The following UST variants were observed in gnomAD, a reference collection of about 807,000 sequenced individuals.
UST encodes uronyl 2-sulfotransferase, also known as chondroitin sulfate 2-O-sulfotransferase.
In UST, 21 loss-of-function variants were observed where a neutral mutation model predicts 45.6. The observed-to-expected ratio is 0.46, with a 90% CI of 0.33 to 0.66. UST has a LOEUF of 0.66. UST is among the 30% of genes least tolerant of loss of function. The pLI, the probability that UST is intolerant of heterozygous loss-of-function variation, is 0.02. For missense variants in UST, 463 were observed against 512.4 expected, an observed-to-expected ratio of 0.90 and a Z score of 0.93; for synonymous variants, 215 against 200.6, an observed-to-expected ratio of 1.07 and a Z score of -0.61.
chr6:148,988,556 A>T (rs1018026541), intron 5 of UST, among the ~76,000 whole-genome samples: 4 of 142,054 alleles, frequency 2.8e-5, no homozygotes, highest in Non-Finnish European at 6.1e-5. Context: ...CCTGGGTGAC[A>T]GAGAAAGACC....
intron 1 of UST, among the ~76,000 whole-genome samples, chr6:148,870,721 C>A (rs1019203165): frequency 2.0e-5 from 3 of 152,164 alleles, no homozygotes; most frequent in African/African-American, 7.2e-5. Context: ...GTGGCCTGTT[C>A]CCTCCTGACC....
At chr6:148,839,899 T>C (rs1202572356) in intron 1 of UST, among the ~76,000 whole-genome samples, 1 of 152,142 alleles carries the variant, frequency 6.6e-6, no homozygotes, top group East Asian at 1.9e-4. Flanking sequence ...GGCCAGTAAA[T>C]GGTAAGGTGG....
At chr6:148,953,430 A>C (rs575982617) in intron 3 of UST, among the ~76,000 whole-genome samples, 1 of 152,308 alleles carries the variant, frequency 6.6e-6, no homozygotes, top group South Asian at 2.1e-4. Context: ...GCCTTATGTA[A>C]AACTTGATAA....
intron 1 of UST, among the ~76,000 whole-genome samples, chr6:148,778,913 C>T (rs550456589): frequency 3.6e-4 from 55 of 152,200 alleles, no homozygotes; most frequent in African/African-American, 1.2e-3. Flanking sequence ...ATTGGTTGAG[C>T]GTATCACCCC....
chr6:148,963,957 C>T (rs914821857), intron 4 of UST, among the ~76,000 whole-genome samples: 3 of 152,178 alleles, frequency 2.0e-5, no homozygotes, highest in African/African-American at 7.2e-5. Flanking sequence ...AGAGGAAGTG[C>T]CGTCTCACCC....
intron 3 of UST, among the ~76,000 whole-genome samples, chr6:148,951,629 G>A (rs188978375): frequency 1.3e-5 from 2 of 152,232 alleles, no homozygotes; most frequent in African/African-American, 4.8e-5. Flanking sequence ...GCCATGGGGG[G>A]AGGACCAGGC....
rs537469988 is a variant in UST, at chr6:149,044,018, G to A, written c.937+22537G>A. Among the ~76,000 whole-genome samples, 36 of 152,274 alleles carry A rather than the reference G, an allele frequency of 2.4e-4. No homozygotes were observed. In the South Asian group the frequency reaches 3.5e-3, roughly 15 times the overall value. On this transcript the variant is annotated intron_variant, in intron 7 of 7. Transcript: ENST00000367463. ...CCATATTATTATTAGCTTTGCTTTG[G>A]TTGAAAGTGGGCCCCATCATATTGT...
At position 149,061,478 on chromosome 6, in the gene UST, A is replaced by G. The variant is rs555654554; in HGVS notation, c.938-12355A>G. ...GGGCAGTGAGCACATCGTGCTTGTC[A>G]CTGCCCAGTCTTGCATGCAGACAGG... On this transcript the variant is annotated intron_variant, in intron 7 of 7. Transcript: ENST00000367463. Among the ~76,000 whole-genome samples, 5 of 152,346 alleles carry G rather than the reference A, an allele frequency of 3.3e-5. No homozygotes were observed. The South Asian group carries it at 1.0e-3, about 32-fold the overall frequency.
At chr6:148,803,318 C>G (rs1037490966) in intron 1 of UST, among the ~76,000 whole-genome samples, 2 of 152,166 alleles carry the variant, frequency 1.3e-5, no homozygotes, top group African/African-American at 4.8e-5. Context: ...GATCTTGATT[C>G]TCGGTTCTTA....
chr6:148,763,743 T>G (rs1251026653), intron 1 of UST, among the ~76,000 whole-genome samples: 1 of 152,238 alleles, frequency 6.6e-6, no homozygotes, highest in African/African-American at 2.4e-5. Flanking sequence ...CACCACTTAT[T>G]GAATAGGGTA....
chr6:149,028,538 A>C (rs1299852472), intron 7 of UST, among the ~76,000 whole-genome samples: 1 of 152,262 alleles, frequency 6.6e-6, no homozygotes, highest in Non-Finnish European at 1.5e-5. Flanking sequence ...CACCAGTTAC[A>C]GCTGATACAT....
chr6:149,038,015 C>T (rs968695570), intron 7 of UST, among the ~76,000 whole-genome samples: 1 of 152,090 alleles, frequency 6.6e-6, no homozygotes, highest in African/African-American at 2.4e-5. Flanking sequence ...ATGTGCTGCC[C>T]CATAGCAATG....
At chr6:148,882,595 A>AAAAG (rs555095261) in intron 1 of UST, among the ~76,000 whole-genome samples, 5 of 151,618 alleles carry the variant, frequency 3.3e-5, no homozygotes, top group African/African-American at 9.7e-5. Context: ...AGAAGGAGGG[A>AAAAG]AAAGAAAGAA....
In UST at chr6:148,748,223, C is replaced by G. The variant is rs1043014000; in HGVS notation, c.247+546C>G. ...TGGCTCCGCGCTGTCCCCGGGCTGGCTTGTCCCTTGGCTGCCGCTGCCCAC... is the reference window on the plus strand; with the variant it reads ...TGGCTCCGCGCTGTCCCCGGGCTGGGTTGTCCCTTGGCTGCCGCTGCCCAC... On this transcript the variant is annotated intron_variant, in intron 1 of 7. Coordinates refer to ENST00000367463, the MANE Select transcript of UST (RefSeq NM_005715.3). This position sits in a 1 kb window ranked among gnomAD's most constrained non-coding sequence, Gnocchi z 5.3. 1.3e-5 allele frequency among the ~76,000 whole-genome samples: 2 copies of G among 152,090 alleles called. No individual in the cohort carries two copies. Among genetic ancestry groups the G allele is most frequent in the African/African-American group, 4.8e-5 (2 of 41,422 alleles).
chr6:149,027,735 G>A (rs1174676982), intron 7 of UST: 2 of 151,916 alleles, frequency 1.3e-5, no homozygotes, highest in African/African-American at 4.8e-5. Flanking sequence ...CCAACTCTCT[G>A]GTCACAATTT....
At chr6:148,827,736 A>C (rs933231655) in intron 1 of UST, among the ~76,000 whole-genome samples, 1 of 151,708 alleles carries the variant, frequency 6.6e-6, no homozygotes, top group Non-Finnish European at 1.5e-5. Flanking sequence ...AAAAAAAAAA[A>C]AAAAAAACCA....
chr6:149,070,045 C>G (rs140944494), intron 7 of UST, among the ~76,000 whole-genome samples: 133 of 151,776 alleles, frequency 8.8e-4, no homozygotes, highest in African/African-American at 3.0e-3. Flanking sequence ...TTTGCTTATC[C>G]CCTTGGATCC....
intron 1 of UST, among the ~76,000 whole-genome samples, chr6:148,770,703 G>A (rs1430977674): frequency 2.0e-5 from 3 of 152,046 alleles, no homozygotes; most frequent in Admixed American, 1.3e-4. Flanking sequence ...TTGTTGTCAC[G>A]TGCACCTCTT....
At chr6:148,814,743 A>G (rs544191447) in intron 1 of UST, among the ~76,000 whole-genome samples, 1 of 152,140 alleles carries the variant, frequency 6.6e-6, no homozygotes, top group Non-Finnish European at 1.5e-5. Flanking sequence ...TCACAAGGAA[A>G]CTTTCCAGGA....
Sources: allele counts gnomAD v4.1 joint callset (sites outside exome capture counted in the v4.1 genomes callset), GRCh38; gene constraint gnomAD v4.1.1; non-coding constraint Gnocchi (gnomAD v3.1); transcripts MANE v1.5; gene names NCBI Gene and HGNC (gene_info 2026-07-23, HGNC 2026-07-21).